The following TTBK2 variants were observed in gnomAD, a reference collection of about 807,000 sequenced individuals.
TTBK2 encodes tau-tubulin kinase 2.
TTBK2 carries 28 observed loss-of-function variants against 110.8 expected under a neutral mutation model. The observed-to-expected ratio is 0.25, with a 90% CI of 0.19 to 0.35. The LOEUF (loss-of-function observed/expected upper bound fraction) is 0.35, where lower values mean the gene tolerates loss of function less well. Among genes scored for constraint, TTBK2 ranks in the 10% least tolerant of loss-of-function variants. The pLI, the probability that TTBK2 is intolerant of heterozygous loss-of-function variation, is 1.00. For synonymous variants in TTBK2, 532 were observed against 527.3 expected, an observed-to-expected ratio of 1.01 and a Z score of -0.12; for missense variants, 1,369 against 1,500.3, an observed-to-expected ratio of 0.91 and a Z score of 1.45.
In TTBK2 at chr15:42,786,578, A is replaced by G. The variant is rs1469697987; in HGVS notation, c.981-2943T>C. On this transcript the variant is annotated intron_variant, in intron 10 of 14. Transcript: ENST00000267890. ...TTTCCAACTACCTCAATTCCTTTGC[A>G]TTTCCTTCTTTCACACCTCAGGAAA... Among the ~76,000 whole-genome samples the G allele has an allele frequency of 2.6e-5, 4 of 151,836 alleles. No individual in the cohort carries two copies. In the East Asian group the frequency reaches 7.7e-4, roughly 29 times the overall value.
At chr15:42,807,042 A>C (rs1891498565) in intron 9 of TTBK2, among the ~76,000 whole-genome samples, 1 of 152,092 alleles carries the variant, frequency 6.6e-6, no homozygotes, top group African/African-American at 2.4e-5. Flanking sequence ...CCTCAGAAAA[A>C]TTTAATTCAG....
At chr15:42,880,969 G>T (rs1038788808) in intron 1 of TTBK2, among the ~76,000 whole-genome samples, 1 of 151,904 alleles carries the variant, frequency 6.6e-6, no homozygotes, top group African/African-American at 2.4e-5. Flanking sequence ...TACTGAGTTT[G>T]TGCCATAGTC....
intron 1 of TTBK2, among the ~76,000 whole-genome samples, chr15:42,897,852 A>G (rs1895728134): frequency 6.6e-6 from 1 of 151,794 alleles, no homozygotes; most frequent in Non-Finnish European, 1.5e-5. Context: ...ACACACACAC[A>G]CACACACACA....
chr15:42,878,865 T>C (rs1469106313), intron 1 of TTBK2, among the ~76,000 whole-genome samples, 181 bp from the exon 2 acceptor site: 1 of 152,186 alleles, frequency 6.6e-6, no homozygotes, highest in Non-Finnish European at 1.5e-5. Context: ...TATCTTTCTA[T>C]TACAGATGCC....
intron 6 of TTBK2, among the ~76,000 whole-genome samples, chr15:42,817,471 T>C (rs1385236298): frequency 6.6e-6 from 1 of 152,176 alleles, no homozygotes; most frequent in Non-Finnish European, 1.5e-5. Flanking sequence ...CAAATAAATA[T>C]ATTTAGATGG....
rs1054285972 is a variant in TTBK2, at chr15:42,827,950, T to A, written c.515A>T (p.Asn172Ile). The A allele has an allele frequency of 6.2e-7, 1 of 1,613,594 alleles. No individual in the cohort carries two copies. The highest frequency in any genetic ancestry group is 1.3e-5 in the African/African-American group (1 of 75,024). The change falls in exon 6 of 15, where the codon AAT becomes ATT. Residue 172 changes from asparagine (N) to isoleucine (I), a missense_variant. Coordinates refer to ENST00000267890, the MANE Select transcript of TTBK2 (RefSeq NM_173500.4). ...TACTGGTCTGACGTCACCACAGGAA[T>A]TGGTAAATTGTCGAGCCAAGCCAAA... ...LDFGLARQFT[N>I]SCGDVRPPRA...
chr15:42,918,860 T>C (rs2031224710), intron 1 of TTBK2, among the ~76,000 whole-genome samples: 1 of 152,194 alleles, frequency 6.6e-6, no homozygotes, highest in Non-Finnish European at 1.5e-5. Context: ...ATTTACTAAA[T>C]TATGTATTAA....
At chr15:42,916,847 C>A (rs2031107603) in intron 1 of TTBK2, among the ~76,000 whole-genome samples, 1 of 152,014 alleles carries the variant, frequency 6.6e-6, no homozygotes, top group Admixed American at 6.6e-5. Context: ...TACTTTGAAA[C>A]TGCAGAAAGA....
At chr15:42,748,371 C>T (rs1006849277) in intron 14 of TTBK2, among the ~76,000 whole-genome samples, 4 of 151,940 alleles carry the variant, frequency 2.6e-5, no homozygotes, top group Admixed American at 2.6e-4. Context: ...ACAGGAGAAT[C>T]GCTTGAACTT....
chr15:42,810,709 C>G lies in TTBK2; in HGVS notation c.727G>C (p.Asp243His). 4 of 1,613,554 alleles carry G rather than the reference C, an allele frequency of 2.5e-6. No individual in the cohort carries two copies. The highest frequency in any genetic ancestry group is 3.4e-6 in the Non-Finnish European group (4 of 1,179,872). Residue 243 changes from aspartate to histidine, a missense_variant, in exon 9 of 15, where the codon GAC becomes CAC. By Grantham distance (81) the Asp-to-His change is moderately conservative. Transcript: ENST00000267890. ...EQVGSIKERYDHRLMLKHLPP... is the reference protein window; with the variant it reads ...EQVGSIKERYHHRLMLKHLPP... ...AGATGTTTCAACATGAGCCTGTGGT[C>G]ATATCTCTCCTTAATAGAGCCTACT...
Position 42,739,791 on chromosome 15 carries a change from G to A in TTBK2, c.*6004C>T, listed in dbSNP as rs1049094789. The A allele has an allele frequency of 1.3e-5, 2 of 152,202 alleles. No homozygotes were observed. Among genetic ancestry groups the A allele is most frequent in the South Asian group, 4.1e-4 (2 of 4,836 alleles). The allele number at this position is 152,202 out of a possible 1,614,324, so 9.4% of individuals were successfully genotyped here. On this transcript the variant is annotated 3_prime_UTR_variant, in exon 15 of 15. Transcript: ENST00000267890. ...GTAGCTCCCTATAAGTCAAATTCAA[G>A]TTCTGGTAGCCTTGTTTACCCCTTG...
intron 7 of TTBK2, among the ~76,000 whole-genome samples, chr15:42,813,901 T>C (rs1391662717): frequency 6.6e-6 from 1 of 151,948 alleles, no homozygotes; most frequent in Non-Finnish European, 1.5e-5. Context: ...AACAAAGATG[T>C]TCTCAACAGT....
At chr15:42,850,054 T>C (rs1170836223) in intron 3 of TTBK2, among the ~76,000 whole-genome samples, 1 of 151,906 alleles carries the variant, frequency 6.6e-6, no homozygotes, top group Non-Finnish European at 1.5e-5. Context: ...GCAGTGGGGA[T>C]TTTCCCAACT....
rs1891724648 is a variant in TTBK2 at position 42,811,635 on chromosome 15, G to C, written c.696+53C>G. 2.1e-6 allele frequency: 3 copies of C among 1,455,022 alleles called. No homozygotes were observed. In the South Asian group the frequency reaches 3.5e-5, roughly 17 times the overall value. The allele number at this position is 1,455,022 out of a possible 1,614,324, so 90.1% of individuals were successfully genotyped here. A position where few individuals can be genotyped will look rare whatever the true frequency, so the allele number is the denominator to read the frequency against. On this transcript the variant is annotated intron_variant, in intron 8 of 14. Transcript: ENST00000267890. ...TATTTTCAACAAAAATGTTTATTCA[G>C]CAGAAATTTTTATTTCTTCTACCAC... is the stretch of plus-strand genomic sequence containing the variant.
intron 13 of TTBK2, among the ~76,000 whole-genome samples, chr15:42,772,984 T>G (rs1487620725): frequency 6.6e-6 from 1 of 152,082 alleles, no homozygotes; most frequent in African/African-American, 2.4e-5. Context: ...AAGGTAACTG[T>G]TTAGATGTAA....
At chr15:42,868,006 A>G (rs1481086716) in intron 3 of TTBK2, among the ~76,000 whole-genome samples, 1 of 152,234 alleles carries the variant, frequency 6.6e-6, no homozygotes, top group Non-Finnish European at 1.5e-5. Context: ...GAGGAAACTT[A>G]AGTGCATATT....
At position 42,761,499 on chromosome 15, in the gene TTBK2, C is replaced by A. The variant is rs1449269357; in HGVS notation, c.1999-8252G>T. 2.1e-5 allele frequency among the ~76,000 whole-genome samples: 3 copies of A among 142,916 alleles called. No homozygotes were observed. The Admixed American group carries it at 2.1e-4, about 10-fold the overall frequency. The allele number at this position is 142,916 out of a possible 152,430, so 93.8% of individuals were successfully genotyped here. A position where few individuals can be genotyped will look rare whatever the true frequency, so the allele number is the denominator to read the frequency against. Reference sequence around the variant, plus strand: ...GTCAATAGAGTGAAAAGATAACCTACAAAATGGAAGAAAATATCTACAAAC... The same window carrying A: ...GTCAATAGAGTGAAAAGATAACCTAAAAAATGGAAGAAAATATCTACAAAC... On this transcript the variant is annotated intron_variant, in intron 13 of 14. Coordinates refer to ENST00000267890, the MANE Select transcript of TTBK2 (RefSeq NM_173500.4).
intron 13 of TTBK2, among the ~76,000 whole-genome samples, chr15:42,757,010 T>C (rs898185909): frequency 7.2e-5 from 11 of 152,320 alleles, no homozygotes; most frequent in African/African-American, 2.6e-4. Flanking sequence ...ATATAATATT[T>C]CCATAGTACT....
chr15:42,876,009 G>C (rs1235841811), intron 2 of TTBK2, among the ~76,000 whole-genome samples: 1 of 151,878 alleles, frequency 6.6e-6, no homozygotes, highest in Admixed American at 6.6e-5. Flanking sequence ...TGGGGGTTGG[G>C]GGTGAAGAGC....
Sources: allele counts gnomAD v4.1 joint callset (sites outside exome capture counted in the v4.1 genomes callset), GRCh38; gene constraint gnomAD v4.1.1; transcripts MANE v1.5; gene names NCBI Gene and HGNC (gene_info 2026-07-23, HGNC 2026-07-21).